Variants in GRIN2B observed in about 807,000 individuals in gnomAD.
GRIN2B encodes glutamate receptor ionotropic, NMDA 2B.
GRIN2B carries 5 observed loss-of-function variants against 114.5 expected under a neutral mutation model. The ratio of observed to expected loss-of-function variants is 0.04; its 90% CI spans 0.02 to 0.09. The LOEUF (loss-of-function observed/expected upper bound fraction) is 0.09, where lower values mean the gene tolerates loss of function less well. GRIN2B is among the 10% of genes least tolerant of loss of function. The pLI is 1.00. For missense variants in GRIN2B, 1,108 were observed against 1,943.5 expected (o/e 0.57, Z 8.08); for synonymous variants, 787 against 745.1 (o/e 1.06, Z -0.92).
At chr12:13,789,793 A>T (rs1451628960) in intron 3 of GRIN2B, among the ~76,000 whole-genome samples, 2 of 152,206 alleles carry the variant, frequency 1.3e-5, no homozygotes, top group African/African-American at 4.8e-5. Flanking sequence ...AACCACTGAT[A>T]TCAATTGAAA....
At chr12:13,913,201 T>C (rs1866653789) in intron 2 of GRIN2B, among the ~76,000 whole-genome samples, 1 of 152,164 alleles carries the variant, frequency 6.6e-6, no homozygotes, top group Non-Finnish European at 1.5e-5. Flanking sequence ...ATGTTTCCTT[T>C]TCTTTCCTAA....
intron 2 of GRIN2B, among the ~76,000 whole-genome samples, chr12:13,908,422 A>G (rs1866579280): frequency 6.6e-6 from 1 of 152,154 alleles, no homozygotes; most frequent in African/African-American, 2.4e-5. Context: ...ATAACAATTC[A>G]TGAGTTAAAT....
At chr12:13,809,345 A>G (rs1267429547) in intron 3 of GRIN2B, among the ~76,000 whole-genome samples, 1 of 152,206 alleles carries the variant, frequency 6.6e-6, no homozygotes, top group Non-Finnish European at 1.5e-5. Context: ...AGTCCCAGCC[A>G]CTTTGTACTA....
intron 2 of GRIN2B, among the ~76,000 whole-genome samples, chr12:13,944,007 G>T (rs1016747643): frequency 2.0e-5 from 3 of 152,094 alleles, no homozygotes; most frequent in African/African-American, 7.2e-5. Context: ...AAATAAATGA[G>T]CATAAATCCC....
chr12:13,698,932 C>G (rs1950285950), intron 4 of GRIN2B, among the ~76,000 whole-genome samples: 1 of 152,154 alleles, frequency 6.6e-6, no homozygotes, highest in African/African-American at 2.4e-5. Flanking sequence ...ATCCACCTGC[C>G]TCAGCCTCCC....
At chr12:13,670,752 G>A (rs951341117) in intron 5 of GRIN2B, among the ~76,000 whole-genome samples, 1 of 151,942 alleles carries the variant, frequency 6.6e-6, no homozygotes, top group Admixed American at 6.6e-5. Context: ...ATGTCTGCAT[G>A]CATATGTGTG....
intron 10 of GRIN2B, among the ~76,000 whole-genome samples, chr12:13,575,703 T>TAATC (rs1328448371): frequency 6.7e-6 from 1 of 150,250 alleles, no homozygotes; most frequent in Admixed American, 6.6e-5. Context: ...ATAATCAAAA[T>TAATC]AATCAGAAAA....
chr12:13,600,718 A>G (rs1313458629), intron 10 of GRIN2B, among the ~76,000 whole-genome samples: 1 of 152,188 alleles, frequency 6.6e-6, no homozygotes, highest in African/African-American at 2.4e-5. Context: ...AAAATGATAC[A>G]TCTCACAGAA....
chr12:13,939,504 C>G (rs1002768729), intron 2 of GRIN2B, among the ~76,000 whole-genome samples: 1 of 145,098 alleles, frequency 6.9e-6, no homozygotes, highest in African/African-American at 2.5e-5. Flanking sequence ...TTGAAGGTTT[C>G]ATGAGGCTCT....
At chr12:13,775,596 A>G (rs1863990259) in intron 3 of GRIN2B, among the ~76,000 whole-genome samples, 1 of 152,242 alleles carries the variant, frequency 6.6e-6, no homozygotes, top group Non-Finnish European at 1.5e-5. Context: ...GGGAAGAATC[A>G]GCCAAACATA....
intron 10 of GRIN2B, among the ~76,000 whole-genome samples, chr12:13,605,302 T>C (rs1239427134): frequency 6.6e-6 from 1 of 151,998 alleles, no homozygotes; most frequent in Non-Finnish European, 1.5e-5. Context: ...GCTCCACAAA[T>C]AAAGGGATCT....
chr12:13,630,930 A>G (rs1459425468), intron 5 of GRIN2B, among the ~76,000 whole-genome samples: 1 of 152,192 alleles, frequency 6.6e-6, no homozygotes, highest in African/African-American at 2.4e-5. Context: ...GAAACTCAAA[A>G]TCATGGTGGA....
chr12:13,937,083 A>AT (rs1481215451), intron 2 of GRIN2B, among the ~76,000 whole-genome samples: 2 of 124,180 alleles, frequency 1.6e-5, no homozygotes, highest in African/African-American at 6.0e-5. Flanking sequence ...CAGCACAGAA[A>AT]TAAAAAAAAA....
At chr12:13,819,961 C>T (rs1214727670) in intron 3 of GRIN2B, among the ~76,000 whole-genome samples, 2 of 152,168 alleles carry the variant, frequency 1.3e-5, no homozygotes, top group Non-Finnish European at 2.9e-5. Context: ...TCATTTTCCT[C>T]ATAGGATTCT....
At chr12:13,906,031 T>C (rs1265800116) in intron 2 of GRIN2B, among the ~76,000 whole-genome samples, 1 of 152,210 alleles carries the variant, frequency 6.6e-6, no homozygotes, top group Non-Finnish European at 1.5e-5. Context: ...AAAGTGCAGC[T>C]TAATTATCAG....
chr12:13,820,601 A>C (rs1401332747), intron 3 of GRIN2B, among the ~76,000 whole-genome samples: 1 of 152,196 alleles, frequency 6.6e-6, no homozygotes, highest in African/African-American at 2.4e-5. Flanking sequence ...TGTTATGGGA[A>C]GCAACCATGT....
At chr12:13,612,412 A>C (rs185585275) in intron 8 of GRIN2B, among the ~76,000 whole-genome samples, 63 of 152,278 alleles carry the variant, frequency 4.1e-4, no homozygotes, top group African/African-American at 1.5e-3. Context: ...CACTTTTTCA[A>C]CCTACTTTGA....
At chr12:13,610,800 A>T (rs946219195) in intron 9 of GRIN2B, among the ~76,000 whole-genome samples, 1 of 152,198 alleles carries the variant, frequency 6.6e-6, no homozygotes, top group Non-Finnish European at 1.5e-5. Flanking sequence ...TGAAACATAC[A>T]GTGGTCTAAG....
At chr12:13,864,471 A>G (rs1402447353) in intron 3 of GRIN2B, among the ~76,000 whole-genome samples, 1 of 152,244 alleles carries the variant, frequency 6.6e-6, no homozygotes, top group Non-Finnish European at 1.5e-5. Context: ...AAGTATGACA[A>G]TGACAATAGT....
Sources: allele counts gnomAD v4.1 joint callset (sites outside exome capture counted in the v4.1 genomes callset), GRCh38; gene constraint gnomAD v4.1.1; transcripts MANE v1.5; gene names NCBI Gene and HGNC (gene_info 2026-07-23, HGNC 2026-07-21).